CNTNAP5: variants seen among roughly 807,000 people sequenced by gnomAD.
CNTNAP5 encodes the protein contactin associated protein family member 5.
CNTNAP5 carries 72 observed loss-of-function variants against 150.2 expected under a neutral mutation model. The observed-to-expected ratio is 0.48, with a 90% CI of 0.40 to 0.58. The LOEUF (loss-of-function observed/expected upper bound fraction) is 0.58. CNTNAP5 is among the 20% of genes least tolerant of loss of function. The pLI, the probability that CNTNAP5 is intolerant of heterozygous loss-of-function variation, is 0.00. For missense variants in CNTNAP5, 1,636 were observed against 1,626.2 expected, an observed-to-expected ratio of 1.01 and a Z score of -0.10; for synonymous variants, 672 against 619.8, an observed-to-expected ratio of 1.08 and a Z score of -1.25.
intron 17 of CNTNAP5, among the ~76,000 whole-genome samples, chr2:124,787,859 T>A (rs1290223641): frequency 6.6e-6 from 1 of 152,230 alleles, no homozygotes; most frequent in Non-Finnish European, 1.5e-5. Context: ...TAAGGACACA[T>A]TTGTATCTGG....
chr2:124,457,039 T>C (rs1417810512), intron 6 of CNTNAP5, among the ~76,000 whole-genome samples: 35 of 152,100 alleles, frequency 2.3e-4, no homozygotes, highest in Non-Finnish European at 5.9e-5. Flanking sequence ...AAAAAGTAAA[T>C]GTAATTTAAA....
intron 3 of CNTNAP5, among the ~76,000 whole-genome samples, chr2:124,286,346 T>C (rs935052129): frequency 6.6e-6 from 1 of 152,222 alleles, no homozygotes; most frequent in Admixed American, 6.5e-5. Context: ...CAGGCATAAC[T>C]TCTTTACAGT....
intron 1 of CNTNAP5, among the ~76,000 whole-genome samples, chr2:124,220,141 T>C (rs1188287862): frequency 6.6e-6 from 1 of 151,258 alleles, no homozygotes; most frequent in African/African-American, 2.5e-5. Context: ...ATGTAAATGT[T>C]CTTTAAAAAA....
intron 8 of CNTNAP5, among the ~76,000 whole-genome samples, chr2:124,512,131 C>CT (rs1694607788): frequency 6.6e-6 from 1 of 151,752 alleles, no homozygotes; most frequent in African/African-American, 2.4e-5. Context: ...GTGGGACCGG[C>CT]TTTCTTATAG....
intron 12 of CNTNAP5, among the ~76,000 whole-genome samples, chr2:124,625,622 T>G (rs1677705754): frequency 6.6e-6 from 1 of 152,320 alleles, no homozygotes. Flanking sequence ...GGCCAGGGCC[T>G]AGAATCGCTG....
intron 2 of CNTNAP5, 135 bp downstream of exon 2, chr2:124,221,944 A>G (rs1302937303): frequency 3.2e-6 from 2 of 631,388 alleles, no homozygotes; most frequent in Non-Finnish European, 5.6e-6. Flanking sequence ...CGAGGAGAGG[A>G]GTGAAAATCT....
chr2:124,770,508 A>G (rs1681167283), intron 16 of CNTNAP5, among the ~76,000 whole-genome samples: 1 of 152,198 alleles, frequency 6.6e-6, no homozygotes, highest in African/African-American at 2.4e-5. Context: ...CCTCACCCAA[A>G]TTCTCACCAA....
intron 19 of CNTNAP5, among the ~76,000 whole-genome samples, chr2:124,815,642 G>C (rs1158273099): frequency 2.6e-5 from 4 of 152,120 alleles, no homozygotes; most frequent in Non-Finnish European, 5.9e-5. Flanking sequence ...GCTCCGAAGT[G>C]CTTAAGATGC....
intron 3 of CNTNAP5, among the ~76,000 whole-genome samples, chr2:124,412,388 T>A (rs1236627593): frequency 1.4e-5 from 2 of 147,320 alleles, no homozygotes; most frequent in Non-Finnish European, 3.0e-5. Context: ...ACTTTAAAGT[T>A]CATATGGAAC....
chr2:124,103,155 G>C (rs1169841286), intron 1 of CNTNAP5, among the ~76,000 whole-genome samples: 1 of 151,988 alleles, frequency 6.6e-6, no homozygotes, highest in African/African-American at 2.4e-5. Context: ...TTAACAGTTA[G>C]TTAAAAATAG....
At chr2:124,763,931 C>A (rs374559760) in intron 15 of CNTNAP5, 46 bp from the exon 16 acceptor site, 2 of 1,599,610 alleles carry the variant, frequency 1.3e-6, no homozygotes, top group Non-Finnish European at 8.5e-7. Flanking sequence ...TTTCCCATAC[C>A]CCACTGAAAA....
At chr2:124,901,938 T>G (rs948589276) in intron 21 of CNTNAP5, among the ~76,000 whole-genome samples, 4 of 152,134 alleles carry the variant, frequency 2.6e-5, no homozygotes, top group Admixed American at 2.6e-4. Context: ...TCTTTGACCA[T>G]TTATGAATCA....
At chr2:124,783,251 C>T (rs1303490847) in intron 17 of CNTNAP5, among the ~76,000 whole-genome samples, 3 of 152,066 alleles carry the variant, frequency 2.0e-5, no homozygotes, top group Non-Finnish European at 2.9e-5. Context: ...TTCTTGAACA[C>T]AAGAAACAAT....
At chr2:124,192,443 C>T (rs1685481979) in intron 1 of CNTNAP5, among the ~76,000 whole-genome samples, 2 of 152,094 alleles carry the variant, frequency 1.3e-5, no homozygotes, top group Admixed American at 1.3e-4. Flanking sequence ...GGGTTTCTTT[C>T]CATGCTCCCC....
chr2:124,836,745 T>G (rs1384397245), intron 19 of CNTNAP5, among the ~76,000 whole-genome samples: 2 of 152,112 alleles, frequency 1.3e-5, no homozygotes, highest in African/African-American at 4.8e-5. Context: ...GTTTTAAGAT[T>G]ATTTAACTAT....
At chr2:124,526,449 T>C (rs1694970313) in intron 9 of CNTNAP5, among the ~76,000 whole-genome samples, 1 of 152,166 alleles carries the variant, frequency 6.6e-6, no homozygotes, top group Non-Finnish European at 1.5e-5. Flanking sequence ...CCCAGTTATT[T>C]ATGGGTTATT....
chr2:124,674,501 C>CTT (rs1678890964), intron 13 of CNTNAP5, among the ~76,000 whole-genome samples: 6 of 89,896 alleles, frequency 6.7e-5, no homozygotes, highest in Non-Finnish European at 5.2e-5. Flanking sequence ...TACTTCCTTT[C>CTT]TTTCTTTCTC....
intron 11 of CNTNAP5, among the ~76,000 whole-genome samples, chr2:124,564,751 G>T (rs1695975673): frequency 6.6e-6 from 1 of 152,208 alleles, no homozygotes; most frequent in Admixed American, 6.5e-5. Context: ...AGAAATGTAT[G>T]CCCAACTACG....
At chr2:124,078,874 G>C (rs1404663712) in intron 1 of CNTNAP5, among the ~76,000 whole-genome samples, 5 of 152,154 alleles carry the variant, frequency 3.3e-5, no homozygotes, top group Admixed American at 1.3e-4. Flanking sequence ...AAGGCAACAG[G>C]GACTCAGTTG....
Sources: allele counts gnomAD v4.1 joint callset (sites outside exome capture counted in the v4.1 genomes callset), GRCh38; gene constraint gnomAD v4.1.1; transcripts MANE v1.5; gene names NCBI Gene and HGNC (gene_info 2026-07-23, HGNC 2026-07-21).